The following AP3S2 variants were observed in gnomAD, a reference collection of about 807,000 sequenced individuals.
AP3S2 encodes AP-3 complex subunit sigma-2.
Under a neutral mutation model 23.4 loss-of-function variants are expected in AP3S2, and 22 were observed. The ratio of observed to expected loss-of-function variants is 0.94; its 90% CI spans 0.67 to 1.34. The LOEUF is 1.34. Among genes scored for constraint, AP3S2 ranks in the 40% most tolerant of loss-of-function variants. The pLI, the probability that AP3S2 is intolerant of heterozygous loss-of-function variation, is 0.00. For synonymous variants in AP3S2, 86 were observed against 87.1 expected (o/e 0.99, Z 0.07); for missense variants, 241 against 236.9 (o/e 1.02, Z -0.11).
At chr15:89,850,159 G>T (rs537157374) in intron 4 of AP3S2, among the ~76,000 whole-genome samples, 6 of 152,300 alleles carry the variant, frequency 3.9e-5, no homozygotes, top group South Asian at 2.1e-4. Context: ...GTAAAGTTCT[G>T]TTTTTCCCTT....
chr15:89,850,983 G>A (rs1358347608), intron 4 of AP3S2, among the ~76,000 whole-genome samples: 2 of 152,108 alleles, frequency 1.3e-5, no homozygotes, highest in South Asian at 2.1e-4. Flanking sequence ...CCAGAGTGCT[G>A]GGATTACAGC....
intron 3 of AP3S2, among the ~76,000 whole-genome samples, chr15:89,879,003 CCCAAAG>C (rs1368621345): frequency 6.6e-6 from 1 of 152,248 alleles, no homozygotes; most frequent in Admixed American, 6.5e-5. Context: ...GCCTCAGCCT[CCCAAAG>C]CGTTGGGATT....
In AP3S2 at chr15:89,835,449, C is replaced by T. The variant is rs535720739; in HGVS notation, c.*66G>A. 27 of 1,599,020 alleles carry T rather than the reference C, an allele frequency of 1.7e-5. No individual in the cohort carries two copies. Among genetic ancestry groups the T allele is most frequent in the Non-Finnish European group, 2.1e-5 (25 of 1,172,024 alleles). ...TAAGGCTCAAAATGGGTTCTGTTTC[C>T]AGACGTGCTTGCCTTGCTTGTCTTT... On this transcript the variant is annotated 3_prime_UTR_variant, in exon 6 of 6. Transcript: ENST00000336418.
At chr15:89,873,236 C>T (rs1596212355) in intron 3 of AP3S2, among the ~76,000 whole-genome samples, 1 of 151,434 alleles carries the variant, frequency 6.6e-6, no homozygotes, top group African/African-American at 2.4e-5. Context: ...CATTCCTAAT[C>T]AATCTTTTTG....
chr15:89,868,060 A>G (rs1896191296), intron 4 of AP3S2, among the ~76,000 whole-genome samples: 1 of 111,706 alleles, frequency 9.0e-6, no homozygotes, highest in Non-Finnish European at 1.9e-5. Flanking sequence ...GGCCGCCCCT[A>G]CTGGGAAGTG....
rs896636824 is a variant in AP3S2, at chr15:89,846,360, A to AT, written c.346-8639dup. On this transcript the variant is annotated intron_variant, in intron 4 of 5. Transcript: ENST00000336418. ...CACCTCTGGACATCTGTGTCTCTTTATTTTTTTTTTTTCTTGAGACATGGT... is the reference window on the plus strand; with the variant it reads ...CACCTCTGGACATCTGTGTCTCTTTATTTTTTTTTTTTTCTTGAGACATGGT... 8.0e-3 allele frequency among the ~76,000 whole-genome samples: 1,144 copies of AT among 142,916 alleles called. 4 individuals carry two copies. Among genetic ancestry groups the AT allele is most frequent in the Non-Finnish European group, 0.013 (876 of 65,128 alleles). The allele number at this position is 142,916 out of a possible 152,430, so 93.8% of individuals were successfully genotyped here. A position where few individuals can be genotyped will look rare whatever the true frequency, so the allele number is the denominator to read the frequency against.
Position 89,832,996 on chromosome 15 carries a change from C to G in AP3S2, c.*2519G>C, listed in dbSNP as rs1895113308. 6.6e-6 allele frequency: 1 copy of G among 152,222 alleles called. No homozygotes were observed. Among genetic ancestry groups the G allele is most frequent in the South Asian group, 2.1e-4 (1 of 4,834 alleles). The allele number at this position is 152,222 out of a possible 1,614,324, so 9.4% of individuals were successfully genotyped here. Reference sequence around the variant, plus strand: ...GGATGTTTGGATGCTCGCTTTGAATCTGTAGGACCACTCAATGATTTTTTA... The same window carrying G: ...GGATGTTTGGATGCTCGCTTTGAATGTGTAGGACCACTCAATGATTTTTTA... On this transcript the variant is annotated 3_prime_UTR_variant, in exon 6 of 6. Transcript: ENST00000336418.
At chr15:89,877,349 G>A (rs1156728379) in intron 3 of AP3S2, 6 of 1,300,294 alleles carry the variant, frequency 4.6e-6, no homozygotes, top group Non-Finnish European at 6.0e-6. Flanking sequence ...CTGATGTCAG[G>A]TCCTTGTTCC....
chr15:89,835,149 T>C lies in AP3S2; in HGVS notation c.*366A>G. 1 of 304,240 alleles carries C rather than the reference T, an allele frequency of 3.3e-6. No homozygotes were observed. Among genetic ancestry groups the C allele is most frequent in the Non-Finnish European group, 6.0e-6 (1 of 165,814 alleles). 18.8% of individuals were successfully genotyped at this position (304,240 alleles called of 1,614,324 possible). ...AAGGTGCTCAGCCCTAGTGAGGAGG[T>C]TCTGGGAAGCAGGTGGGCCTGCTCA... On this transcript the variant is annotated 3_prime_UTR_variant, in exon 6 of 6. Transcript: ENST00000336418.
chr15:89,880,112 G>A (rs1444329353), intron 3 of AP3S2, among the ~76,000 whole-genome samples: 1 of 151,266 alleles, frequency 6.6e-6, no homozygotes, highest in Non-Finnish European at 1.5e-5. Flanking sequence ...GACTTCACTG[G>A]AGTCTGGGTG....
At chr15:89,836,037 A>C (rs929628485) in intron 5 of AP3S2, among the ~76,000 whole-genome samples, 1 of 152,166 alleles carries the variant, frequency 6.6e-6, no homozygotes, top group Non-Finnish European at 1.5e-5. Flanking sequence ...CAAACAAACA[A>C]ACAAACAAAA....
At chr15:89,863,273 T>C (rs1301534148) in intron 4 of AP3S2, among the ~76,000 whole-genome samples, 2 of 152,176 alleles carry the variant, frequency 1.3e-5, no homozygotes, top group Non-Finnish European at 2.9e-5. Flanking sequence ...AATTAAAGAC[T>C]GGGCGTAAAT....
chr15:89,856,585 C>T (rs1313054124), intron 4 of AP3S2, among the ~76,000 whole-genome samples: 1 of 151,856 alleles, frequency 6.6e-6, no homozygotes, highest in African/African-American at 2.4e-5. Flanking sequence ...ACCTGTAATC[C>T]CAGCTACTCG....
In AP3S2 at chr15:89,837,659, T is replaced by C. The variant is rs1047049744; in HGVS notation, c.409A>G (p.Ile137Val). ...TTTTGAGCCTCAATCTGAGCCACGA[T>C]TTCATTCATGTTTGTTTCCAACACC... Reference protein sequence around the residue: ...GMVLETNMNEIVAQIEAQNRL... With the variant: ...GMVLETNMNEVVAQIEAQNRL... Residue 137 changes from isoleucine (I) to valine (V), a missense_variant, in exon 5 of 6, where the codon ATC becomes GTC. Ile to Val is a conservative substitution (Grantham distance 29, BLOSUM62 3). Transcript: ENST00000336418. 1 of 1,614,034 alleles carries C rather than the reference T, an allele frequency of 6.2e-7. No individual in the cohort carries two copies. The highest frequency in any genetic ancestry group is 8.5e-7 in the Non-Finnish European group (1 of 1,180,032).
Position 89,835,231 on chromosome 15 carries a change from G to T in AP3S2, c.*284C>A. On this transcript the variant is annotated 3_prime_UTR_variant, in exon 6 of 6. Coordinates refer to ENST00000336418, the MANE Select transcript of AP3S2 (RefSeq NM_005829.5). ...TGAGAGGTAAAGGTGCAAATGACTT[G>T]GGCATGTTGACTCCCTACTGAGGAA... 2.0e-6 allele frequency: 1 copy of T among 501,356 alleles called. No individual in the cohort carries two copies. The highest frequency in any genetic ancestry group is 3.5e-6 in the Non-Finnish European group (1 of 287,774). 31.1% of individuals were successfully genotyped at this position (501,356 alleles called of 1,614,324 possible).
chr15:89,836,521 G>T (rs1010366334), intron 5 of AP3S2, among the ~76,000 whole-genome samples: 2 of 152,142 alleles, frequency 1.3e-5, no homozygotes, highest in Non-Finnish European at 2.9e-5. Flanking sequence ...GGGAGAAGGT[G>T]GGGGGTATCA....
chr15:89,846,818 G>A lies in AP3S2; in HGVS notation c.346-9096C>T, dbSNP rs570622176. ...TGGGATTACAGGTATGAGCAACTGC[G>A]CCCAGCACACCTGGCTAATTTTTGT... On this transcript the variant is annotated intron_variant, in intron 4 of 5. Transcript: ENST00000336418. Among the ~76,000 whole-genome samples, 14 of 152,188 alleles carry A rather than the reference G, an allele frequency of 9.2e-5. No individual in the cohort carries two copies. In the South Asian group the frequency reaches 1.2e-3, roughly 14 times the overall value.
intron 4 of AP3S2, chr15:89,838,022 A>T: frequency 2.9e-6 from 1 of 341,072 alleles, no homozygotes; most frequent in Non-Finnish European, 5.6e-6. Context: ...GGCCCTGGGC[A>T]AATGACCTTT....
chr15:89,877,758 G>A (rs1596215557), intron 3 of AP3S2, among the ~76,000 whole-genome samples: 1 of 151,696 alleles, frequency 6.6e-6, no homozygotes, highest in East Asian at 1.9e-4. Flanking sequence ...TCATGCCACT[G>A]TACTCCAGTC....
Sources: gnomAD v4.1 joint callset for allele counts (sites outside exome capture counted in the v4.1 genomes callset) on GRCh38, gnomAD v4.1.1 for gene constraint, MANE v1.5 for transcripts, NCBI Gene and HGNC (gene_info 2026-07-23, HGNC 2026-07-21) for gene names.